The following PARD3B variants were observed in gnomAD, a reference collection of about 807,000 sequenced individuals.
The protein encoded by PARD3B is par-3 family cell polarity regulator beta, also known as partitioning defective 3 homolog B.
A neutral mutation model predicts 130.2 loss-of-function variants in PARD3B; 103 were observed. That is an observed-to-expected ratio of 0.79 (90% confidence interval 0.67 to 0.93). The LOEUF is 0.93. PARD3B is among the 40% of genes least tolerant of loss of function. The pLI, the probability that PARD3B is intolerant of heterozygous loss-of-function variation, is 0.00. For missense variants in PARD3B, 1,609 were observed against 1,499.2 expected (o/e 1.07, Z -1.21); for synonymous variants, 583 against 553.2 (o/e 1.05, Z -0.76).
intron 4 of PARD3B, among the ~76,000 whole-genome samples, chr2:205,093,387 T>C (rs529927359): frequency 6.6e-6 from 1 of 152,034 alleles, no homozygotes; most frequent in African/African-American, 2.4e-5. Flanking sequence ...GACAGACCTG[T>C]AAAGAAATCT....
chr2:204,712,276 G>A (rs571192514), intron 2 of PARD3B, among the ~76,000 whole-genome samples: 65 of 152,226 alleles, frequency 4.3e-4, no homozygotes, highest in Non-Finnish European at 6.8e-4. Context: ...TGCTTCATCA[G>A]AGCTTACCAT....
chr2:204,552,405 A>G (rs1304968926), intron 1 of PARD3B, among the ~76,000 whole-genome samples: 2 of 152,140 alleles, frequency 1.3e-5, no homozygotes, highest in Non-Finnish European at 2.9e-5. Flanking sequence ...CTGGGTGGAG[A>G]GTGGGCCAAG....
intron 21 of PARD3B, among the ~76,000 whole-genome samples, chr2:205,529,912 G>T (rs1174791901): frequency 6.6e-6 from 1 of 152,132 alleles, no homozygotes; most frequent in Non-Finnish European, 1.5e-5. Flanking sequence ...ATGCCCGTGG[G>T]CTCTGGTGTG....
chr2:205,338,845 G>A (rs1174675387), intron 18 of PARD3B, among the ~76,000 whole-genome samples: 1 of 152,118 alleles, frequency 6.6e-6, no homozygotes, highest in African/African-American at 2.4e-5. Flanking sequence ...TTCTATAGCT[G>A]AACCAGCATT....
intron 22 of PARD3B, among the ~76,000 whole-genome samples, chr2:205,610,274 A>G (rs1279291608): frequency 6.6e-6 from 1 of 152,190 alleles, no homozygotes; most frequent in Non-Finnish European, 1.5e-5. Flanking sequence ...TCAGCCCTCA[A>G]GCCCAGGTAC....
At chr2:204,705,817 T>G (rs960195062) in intron 2 of PARD3B, among the ~76,000 whole-genome samples, 2 of 152,142 alleles carry the variant, frequency 1.3e-5, no homozygotes, top group Admixed American at 6.5e-5. Flanking sequence ...GTACTTAAGT[T>G]TGACCGAACG....
intron 21 of PARD3B, among the ~76,000 whole-genome samples, chr2:205,524,733 T>C (rs2051258829): frequency 6.6e-6 from 1 of 152,208 alleles, no homozygotes; most frequent in Non-Finnish European, 1.5e-5. Context: ...GTTAATCTCA[T>C]CAGTCTCATA....
intron 15 of PARD3B, among the ~76,000 whole-genome samples, chr2:205,226,361 G>A (rs529555888): frequency 3.9e-5 from 6 of 152,230 alleles, no homozygotes; most frequent in African/African-American, 1.4e-4. Context: ...TTAATTTGAT[G>A]TGATCCCATT....
chr2:205,369,109 C>A (rs1320525241), intron 18 of PARD3B, among the ~76,000 whole-genome samples: 2 of 152,236 alleles, frequency 1.3e-5, no homozygotes, highest in East Asian at 3.9e-4. Context: ...TCTGTGGCTG[C>A]AAGAGAAATT....
intron 1 of PARD3B, among the ~76,000 whole-genome samples, chr2:204,658,216 A>G (rs551596020): frequency 2.6e-4 from 40 of 152,308 alleles, no homozygotes; most frequent in African/African-American, 9.4e-4. Flanking sequence ...AAAAAAATCT[A>G]TCTTATTAGA....
In PARD3B at chr2:205,122,034, T is replaced by A; in HGVS notation, c.1165+85T>A. ...AGAAATGCATTAAGGCTAATTTAGT[T>A]AATTCTCCCTTCATTTAATTGTATC... On this transcript the variant is annotated intron_variant, in intron 8 of 22. Transcript: ENST00000406610. This position sits in a 1 kb window ranked among gnomAD's most constrained non-coding sequence, Gnocchi z 4.3. The A allele has an allele frequency of 8.8e-7, 1 of 1,134,332 alleles. No homozygotes were observed. The highest frequency in any genetic ancestry group is 1.2e-6 in the Non-Finnish European group (1 of 809,668). 70.3% of individuals were successfully genotyped at this position (1,134,332 alleles called of 1,614,324 possible). A position where few individuals can be genotyped will look rare whatever the true frequency, so the allele number is the denominator to read the frequency against.
chr2:205,433,045 G>A (rs556304076), intron 19 of PARD3B, among the ~76,000 whole-genome samples: 1 of 152,178 alleles, frequency 6.6e-6, no homozygotes, highest in South Asian at 2.1e-4. Flanking sequence ...GGGTGTGTTT[G>A]CTTAAGGAAT....
chr2:204,605,218 A>G (rs577832332), intron 1 of PARD3B, among the ~76,000 whole-genome samples: 143 of 152,274 alleles, frequency 9.4e-4, no homozygotes, highest in African/African-American at 3.3e-3. Flanking sequence ...CCCCAATTCA[A>G]GGAGAGGGGA....
intron 2 of PARD3B, among the ~76,000 whole-genome samples, chr2:204,829,224 A>G (rs1368309691): frequency 6.6e-6 from 1 of 152,352 alleles, no homozygotes; most frequent in African/African-American, 2.4e-5. Flanking sequence ...CTATAAGTTC[A>G]TAGTTAACCA....
intron 16 of PARD3B, among the ~76,000 whole-genome samples, chr2:205,298,057 A>T (rs569733739): frequency 6.6e-6 from 1 of 152,232 alleles, no homozygotes; most frequent in South Asian, 2.1e-4. Context: ...ATCTTGGACG[A>T]TTTATTCACT....
intron 2 of PARD3B, among the ~76,000 whole-genome samples, chr2:204,762,719 T>G (rs2040956914): frequency 6.6e-6 from 1 of 151,488 alleles, no homozygotes; most frequent in African/African-American, 2.4e-5. Context: ...TTAGGGGGAC[T>G]TAACTGCCAG....
chr2:204,612,423 T>G (rs1185817380), intron 1 of PARD3B, among the ~76,000 whole-genome samples: 1 of 152,216 alleles, frequency 6.6e-6, no homozygotes, highest in Non-Finnish European at 1.5e-5. Context: ...GATAGGAGAC[T>G]GTCTTTTCTT....
At chr2:204,947,493 C>T (rs892040892) in intron 2 of PARD3B, among the ~76,000 whole-genome samples, 1 of 152,118 alleles carries the variant, frequency 6.6e-6, no homozygotes, top group Admixed American at 6.5e-5. Context: ...GTGGGAACTA[C>T]AGTACATAGG....
At chr2:205,444,865 A>G (rs914189526) in intron 20 of PARD3B, among the ~76,000 whole-genome samples, 3 of 152,254 alleles carry the variant, frequency 2.0e-5, no homozygotes, top group African/African-American at 7.2e-5. Flanking sequence ...TCAGTGGAAT[A>G]AGGACTAAAA....
Sources: allele counts gnomAD v4.1 joint callset (sites outside exome capture counted in the v4.1 genomes callset), GRCh38; gene constraint gnomAD v4.1.1; non-coding constraint Gnocchi (gnomAD v3.1); transcripts MANE v1.5; gene names NCBI Gene and HGNC (gene_info 2026-07-23, HGNC 2026-07-21).